Variants in FOXP1 observed in about 807,000 individuals in gnomAD.
FOXP1 encodes the protein forkhead box protein P1.
FOXP1 carries 15 observed loss-of-function variants against 98.2 expected under a neutral mutation model. The observed-to-expected ratio is 0.15, with a 90% CI of 0.10 to 0.24. FOXP1 has a LOEUF of 0.24. Among genes scored for constraint, FOXP1 ranks in the 10% least tolerant of loss-of-function variants. FOXP1 has a pLI of 1.00. For missense variants in FOXP1, 633 were observed against 848.5 expected, an observed-to-expected ratio of 0.75 and a Z score of 3.15; for synonymous variants, 371 against 314.5, an observed-to-expected ratio of 1.18 and a Z score of -1.90.
At chr3:71,432,533 C>T (rs2084814140) in intron 3 of FOXP1, among the ~76,000 whole-genome samples, 1 of 152,256 alleles carries the variant, frequency 6.6e-6, no homozygotes, top group South Asian at 2.1e-4. Flanking sequence ...TGCTCCTATT[C>T]CACCAGGTCC....
intron 6 of FOXP1, among the ~76,000 whole-genome samples, chr3:71,159,621 G>T (rs1020985888): frequency 3.3e-5 from 5 of 152,078 alleles, no homozygotes; most frequent in African/African-American, 1.2e-4. Context: ...CCCTTACTGG[G>T]TACAGTGAGG....
chr3:71,121,326 C>T (rs1276405156), intron 6 of FOXP1, among the ~76,000 whole-genome samples: 1 of 149,590 alleles, frequency 6.7e-6, no homozygotes, highest in Non-Finnish European at 1.5e-5. Context: ...GTACAGGATA[C>T]TTCCCAGCCA....
Position 71,127,367 on chromosome 3 carries a change from T to C in FOXP1, c.181-14730A>G, listed in dbSNP as rs570522515. On this transcript the variant is annotated intron_variant, in intron 6 of 20. Transcript: ENST00000649528. ...AAGAACAAACTTGACTTGATTTTTG[T>C]GGAAGTTAAATTGCCAACATCATAT... is the stretch of plus-strand genomic sequence containing the variant. 1.6e-3 allele frequency among the ~76,000 whole-genome samples: 240 copies of C among 152,302 alleles called. 3 individuals carry two copies. The highest frequency in any genetic ancestry group is 9.6e-4 in the East Asian group (5 of 5,190).
At chr3:71,128,178 G>A (rs1326650470) in intron 6 of FOXP1, among the ~76,000 whole-genome samples, 28 of 152,096 alleles carry the variant, frequency 1.8e-4, no homozygotes, top group Non-Finnish European at 1.5e-5. Flanking sequence ...AGGATGTGGA[G>A]AAGTAAGGAA....
intron 3 of FOXP1, among the ~76,000 whole-genome samples, chr3:71,488,618 T>A (rs1453925140): frequency 1.3e-5 from 2 of 152,232 alleles, no homozygotes; most frequent in African/African-American, 4.8e-5. Flanking sequence ...GTTAGCTATG[T>A]GGAAAATATT....
Position 71,404,526 on chromosome 3 carries a change from G to C in FOXP1, c.-167-45282C>G, listed in dbSNP as rs148714075. 6.7e-3 allele frequency among the ~76,000 whole-genome samples: 1,015 copies of C among 151,684 alleles called. 7 individuals carry two copies. The highest frequency in any genetic ancestry group is 0.011 in the South Asian group (51 of 4,802). ...CAGAGCCAAAGCACAAGTTTTCTTAGTGACACCTGACCAAGTTTCTAAAAA... is the reference window on the plus strand; with the variant it reads ...CAGAGCCAAAGCACAAGTTTTCTTACTGACACCTGACCAAGTTTCTAAAAA... On this transcript the variant is annotated intron_variant, in intron 3 of 20. Transcript: ENST00000649528.
intron 5 of FOXP1, among the ~76,000 whole-genome samples, chr3:71,287,666 G>A (rs1012056259): frequency 1.3e-5 from 2 of 151,624 alleles, no homozygotes; most frequent in African/African-American, 2.4e-5. Flanking sequence ...TGTAATCCCA[G>A]CTACTCAGGA....
intron 7 of FOXP1, among the ~76,000 whole-genome samples, chr3:71,072,445 A>G (rs562393004): frequency 2.6e-5 from 4 of 152,320 alleles, no homozygotes. Flanking sequence ...AGGGAACAAC[A>G]ACCAAAAAAA....
Position 71,333,001 on chromosome 3 carries a change from G to A in FOXP1, c.-73+26149C>T, listed in dbSNP as rs1210720625. 3 of 152,242 alleles carry A rather than the reference G, an allele frequency of 2.0e-5. No homozygotes were observed. The East Asian group carries it at 5.8e-4, about 29-fold the overall frequency. The allele number at this position is 152,242 out of a possible 1,614,324, so 9.4% of individuals were successfully genotyped here. ...GTGGGGTATTTCCCGTTCCAACAAAGGGTCAGAGCAAAGGGCCCGTATTAA... is the reference window on the plus strand; with the variant it reads ...GTGGGGTATTTCCCGTTCCAACAAAAGGTCAGAGCAAAGGGCCCGTATTAA... On this transcript the variant is annotated intron_variant, in intron 4 of 20. Coordinates refer to ENST00000649528, the MANE Select transcript of FOXP1 (RefSeq NM_001349338.3).
At chr3:71,455,278 C>T (rs2087362641) in intron 3 of FOXP1, among the ~76,000 whole-genome samples, 1 of 152,056 alleles carries the variant, frequency 6.6e-6, no homozygotes, top group African/African-American at 2.4e-5. Flanking sequence ...GAGTACATCC[C>T]TACGTATAGA....
intron 3 of FOXP1, among the ~76,000 whole-genome samples, chr3:71,472,084 T>C (rs2089413010): frequency 6.6e-6 from 1 of 152,180 alleles, no homozygotes; most frequent in African/African-American, 2.4e-5. Context: ...CGTTTTATAG[T>C]TTTTCATTAT....
intron 12 of FOXP1, among the ~76,000 whole-genome samples, chr3:71,013,750 T>C (rs1478379310): frequency 2.0e-5 from 3 of 152,168 alleles, no homozygotes; most frequent in Admixed American, 6.5e-5. Flanking sequence ...CTTCAAACTA[T>C]ACTACAAGGC....
chr3:71,477,486 A>G (rs768073847), intron 3 of FOXP1, among the ~76,000 whole-genome samples: 2 of 152,244 alleles, frequency 1.3e-5, no homozygotes, highest in Non-Finnish European at 2.9e-5. Flanking sequence ...ATAGCTCTCT[A>G]TTATTTATAG....
intron 3 of FOXP1, among the ~76,000 whole-genome samples, chr3:71,450,616 T>C (rs546169586): frequency 6.6e-6 from 1 of 152,318 alleles, no homozygotes; most frequent in African/African-American, 2.4e-5. Context: ...CTGCCCTTTC[T>C]CTTAAAGAAA....
Position 71,457,172 on chromosome 3 carries a change from T to C in FOXP1, c.-168+36254A>G, listed in dbSNP as rs747929931. On this transcript the variant is annotated intron_variant, in intron 3 of 20. Coordinates refer to ENST00000649528, the MANE Select transcript of FOXP1 (RefSeq NM_001349338.3). ...GAAATCAGGGTGAAAGTGACAGTAATAACATATTTATATCATAATATACTT... is the reference window on the plus strand; with the variant it reads ...GAAATCAGGGTGAAAGTGACAGTAACAACATATTTATATCATAATATACTT... 3.8e-4 allele frequency among the ~76,000 whole-genome samples: 57 copies of C among 151,416 alleles called. 1 individual carries two copies. Among genetic ancestry groups the C allele is most frequent in the Non-Finnish European group, 1.5e-4 (10 of 67,924 alleles).
chr3:71,020,295 T>C (rs1339558074), intron 11 of FOXP1, among the ~76,000 whole-genome samples: 1 of 152,152 alleles, frequency 6.6e-6, no homozygotes, highest in Non-Finnish European at 1.5e-5. Context: ...ATATATTCAG[T>C]AGGATATAAG....
Position 70,956,650 on chromosome 3 carries a change from A to AC in FOXP1, c.*2596dup, listed in dbSNP as rs2031858314. On this transcript the variant is annotated 3_prime_UTR_variant, in exon 21 of 21. Coordinates refer to ENST00000649528, the MANE Select transcript of FOXP1 (RefSeq NM_001349338.3). Reference sequence around the variant, plus strand: ...CTTTTGAATACCAAACTAACCAGCAACCACTCAGTTTAGAAGCACAGGGCC... The same window carrying AC: ...CTTTTGAATACCAAACTAACCAGCAACCCACTCAGTTTAGAAGCACAGGGCC... 2 of 211,118 alleles carry AC rather than the reference A, an allele frequency of 9.5e-6. No homozygotes were observed. The highest frequency in any genetic ancestry group is 1.9e-5 in the Non-Finnish European group (2 of 106,152). 13.1% of individuals were successfully genotyped at this position (211,118 alleles called of 1,614,324 possible). A position where few individuals can be genotyped will look rare whatever the true frequency, so the allele number is the denominator to read the frequency against.
rs139693871 is a variant in FOXP1 at position 70,999,151 on chromosome 3, G to A, written c.1062+1821C>T. On this transcript the variant is annotated intron_variant, in intron 13 of 20. Coordinates refer to ENST00000649528, the MANE Select transcript of FOXP1 (RefSeq NM_001349338.3). The stretch of plus-strand genomic sequence containing the variant: ...GTCGCCCAGGCTGGAGTGCAGTGGC[G>A]CGACCTTGGCTCACTGCAACCTCTA... Among the ~76,000 whole-genome samples, 52 of 152,026 alleles carry A rather than the reference G, an allele frequency of 3.4e-4. No individual in the cohort carries two copies. In the East Asian group the frequency reaches 7.0e-3, roughly 20 times the overall value.
chr3:71,531,206 C>A (rs1031112665), intron 2 of FOXP1, among the ~76,000 whole-genome samples: 1 of 152,182 alleles, frequency 6.6e-6, no homozygotes, highest in Non-Finnish European at 1.5e-5. Context: ...TAGGAGATAT[C>A]GGTTCAAATC....
Sources: allele counts gnomAD v4.1 joint callset (sites outside exome capture counted in the v4.1 genomes callset), GRCh38; gene constraint gnomAD v4.1.1; transcripts MANE v1.5; gene names NCBI Gene and HGNC (gene_info 2026-07-23, HGNC 2026-07-21).